TTBK2: variants seen among roughly 807,000 people sequenced by gnomAD.
TTBK2 encodes tau tubulin kinase 2, also known as tau-tubulin kinase 2.
A neutral mutation model predicts 110.8 loss-of-function variants in TTBK2; 28 were observed. The observed-to-expected ratio is 0.25, with a 90% CI of 0.19 to 0.35. TTBK2 has a LOEUF of 0.35. TTBK2 is among the 10% of genes least tolerant of loss of function. The pLI is 1.00. For synonymous variants in TTBK2, 532 were observed against 527.3 expected (o/e 1.01, Z -0.12); for missense variants, 1,369 against 1,500.3 (o/e 0.91, Z 1.45).
chr15:42,912,616 CAGG>C (rs534610839), intron 1 of TTBK2, among the ~76,000 whole-genome samples: 133 of 152,022 alleles, frequency 8.7e-4, no homozygotes, highest in African/African-American at 3.1e-3. Flanking sequence ...GAGGCTGAGG[CAGG>C]AGAATTGCTT....
intron 1 of TTBK2, among the ~76,000 whole-genome samples, chr15:42,889,511 T>C (rs948303506): frequency 2.6e-5 from 4 of 152,126 alleles, no homozygotes; most frequent in African/African-American, 9.7e-5. Context: ...TCCTCAATCT[T>C]CAGGAAAGGT....
intron 6 of TTBK2, among the ~76,000 whole-genome samples, chr15:42,825,678 G>A (rs1405180196): frequency 3.3e-5 from 5 of 152,168 alleles, no homozygotes; most frequent in South Asian, 2.1e-4. Context: ...TGGCGCCATC[G>A]CACTCTGGCC....
chr15:42,783,009 G>T lies in TTBK2; in HGVS notation c.1197+410C>A, dbSNP rs575151919. ...CTCATTCCTGATTACTATTCATCCAGATTGTGCTTTGTCAACAGCCAAATC... is the reference window on the plus strand; with the variant it reads ...CTCATTCCTGATTACTATTCATCCATATTGTGCTTTGTCAACAGCCAAATC... On this transcript the variant is annotated intron_variant, in intron 11 of 14. Coordinates refer to ENST00000267890, the MANE Select transcript of TTBK2 (RefSeq NM_173500.4). Among the ~76,000 whole-genome samples, 7 of 152,234 alleles carry T rather than the reference G, an allele frequency of 4.6e-5. No homozygotes were observed. In the South Asian group the frequency reaches 1.5e-3, roughly 32 times the overall value.
At chr15:42,749,524 G>A (rs1490045293) in intron 14 of TTBK2, among the ~76,000 whole-genome samples, 1 of 152,194 alleles carries the variant, frequency 6.6e-6, no homozygotes, top group Non-Finnish European at 1.5e-5. Flanking sequence ...CAGCTTACAA[G>A]AACCAGGTGG....
In TTBK2 at chr15:42,794,666, G is replaced by A. The variant is rs968277107; in HGVS notation, c.958C>T (p.Arg320Cys). 9 of 1,613,980 alleles carry A rather than the reference G, an allele frequency of 5.6e-6. No homozygotes were observed. The highest frequency in any genetic ancestry group is 3.3e-5 in the Admixed American group (2 of 59,998). The change falls in exon 10 of 15, where the codon CGC (arginine) becomes TGC (cysteine). Residue 320 changes from arginine (R) to cysteine (C), a missense_variant. Around this residue, in one of 4 missense-constraint regions of TTBK2, gnomAD observed 1,097 missense variants for 1,114.7 expected, o/e 0.98. Transcript: ENST00000267890. ...TACCCAATTGCAGCAGGGGTCAAGC[G>A]AGTGTGCAACTGAGGGGTGGTAGAA... ...TTSTTPQLHTRLTPAAIGIAN... is the reference protein window; with the variant it reads ...TTSTTPQLHTCLTPAAIGIAN...
chr15:42,739,263 T>C lies in TTBK2; in HGVS notation c.*6532A>G, dbSNP rs1473821907. ...ATTTCAAAGAGTAGTTTCTCATCTC[T>C]CTGATTTCAGGAAGAGGAGAAGAGA... On this transcript the variant is annotated 3_prime_UTR_variant, in exon 15 of 15. Coordinates refer to ENST00000267890, the MANE Select transcript of TTBK2 (RefSeq NM_173500.4). 1 of 152,194 alleles carries C rather than the reference T, an allele frequency of 6.6e-6. No individual in the cohort carries two copies. Among genetic ancestry groups the C allele is most frequent in the African/African-American group, 2.4e-5 (1 of 41,444 alleles). 9.4% of individuals were successfully genotyped at this position (152,194 alleles called of 1,614,324 possible).
rs1321049884 is a variant in TTBK2, at chr15:42,777,040, A to G, written c.1400T>C (p.Leu467Pro). 4 of 1,614,098 alleles carry G rather than the reference A, an allele frequency of 2.5e-6. No homozygotes were observed. The highest frequency in any genetic ancestry group is 1.1e-5 in the South Asian group (1 of 91,074). ...ATACACTATTTTATACCAGGTCTCA[A>G]GGAACTTGTCAGTGTCTGGCTTTGG... is the stretch of plus-strand genomic sequence containing the variant. ...LEPKPDTDKF[L>P]ETCLEKMQKD... Residue 467 changes from leucine (L) to proline (P), a missense_variant, in exon 12 of 15, where the codon CTT becomes CCT. Around this residue, in one of 4 missense-constraint regions of TTBK2, gnomAD observed 1,097 missense variants for 1,114.7 expected, o/e 0.98. Coordinates refer to ENST00000267890, the MANE Select transcript of TTBK2 (RefSeq NM_173500.4).
chr15:42,776,770 T>C (rs1436762077), intron 12 of TTBK2: 1 of 566,236 alleles, frequency 1.8e-6, no homozygotes, highest in African/African-American at 1.9e-5. Flanking sequence ...GTACCTAGTG[T>C]TAGGAAGTCA....
intron 1 of TTBK2, among the ~76,000 whole-genome samples, chr15:42,881,507 A>T (rs1895049916): frequency 6.6e-6 from 1 of 152,212 alleles, no homozygotes; most frequent in Middle Eastern, 3.4e-3. Flanking sequence ...ATTCCAAAAA[A>T]TAAAGGTGAA....
At chr15:42,875,905 CAAAAAAAAAAA>C (rs57982301) in intron 2 of TTBK2, among the ~76,000 whole-genome samples, 2 of 56,898 alleles carry the variant, frequency 3.5e-5, no homozygotes, top group Non-Finnish European at 6.8e-5. Context: ...GACTCCGTCT[CAAAAAAAAAAA>C]AAAAAAAAAA....
At chr15:42,882,979 C>G (rs1403389826) in intron 1 of TTBK2, among the ~76,000 whole-genome samples, 1 of 152,086 alleles carries the variant, frequency 6.6e-6, no homozygotes, top group Non-Finnish European at 1.5e-5. Context: ...AGTATAAGAG[C>G]CTGATTTTCT....
intron 1 of TTBK2, among the ~76,000 whole-genome samples, chr15:42,890,202 C>T (rs1486683624): frequency 1.3e-5 from 2 of 152,212 alleles, no homozygotes; most frequent in Non-Finnish European, 2.9e-5. Flanking sequence ...CCTAACTCCA[C>T]CACCTATCCC....
Position 42,920,755 on chromosome 15 carries a change from C to A in TTBK2, c.-385G>T. On this transcript the variant is annotated 5_prime_UTR_variant, in exon 1 of 15. It removes an upstream start codon present in the reference 5' UTR. Coordinates refer to ENST00000267890, the MANE Select transcript of TTBK2 (RefSeq NM_173500.4). ...GCCGCCGCCTCGTCCCCACCGCTCC[C>A]ATCGCCGCTGCGGCGACTACTGCAG... The A allele has an allele frequency of 6.5e-6, 1 of 154,010 alleles. No homozygotes were observed. The highest frequency in any genetic ancestry group is 2.0e-4 in the South Asian group (1 of 4,994). 9.5% of individuals were successfully genotyped at this position (154,010 alleles called of 1,614,324 possible).
intron 4 of TTBK2, among the ~76,000 whole-genome samples, chr15:42,832,973 G>T (rs1892824843): frequency 6.6e-6 from 1 of 152,036 alleles, no homozygotes; most frequent in Admixed American, 6.6e-5. Context: ...TGACTGATAT[G>T]CAGTCATTCA....
intron 11 of TTBK2, among the ~76,000 whole-genome samples, chr15:42,780,488 T>C (rs1405515865): frequency 1.3e-5 from 2 of 151,874 alleles, no homozygotes; most frequent in Non-Finnish European, 2.9e-5. Context: ...GACTTTTAAG[T>C]TAAAAATAAC....
intron 9 of TTBK2, chr15:42,798,331 C>G (rs895593761): frequency 2.2e-6 from 1 of 456,002 alleles, no homozygotes; most frequent in African/African-American, 2.0e-5. Flanking sequence ...ACGCTTCCCT[C>G]TAAAAGGCAT....
intron 1 of TTBK2, among the ~76,000 whole-genome samples, chr15:42,898,815 G>A (rs1035163776): frequency 6.6e-6 from 1 of 152,106 alleles, no homozygotes; most frequent in African/African-American, 2.4e-5. Flanking sequence ...GAGATGTGGA[G>A]GTAAATACCA....
chr15:42,911,468 T>C (rs2030751335), intron 1 of TTBK2, among the ~76,000 whole-genome samples: 1 of 152,192 alleles, frequency 6.6e-6, no homozygotes, highest in Non-Finnish European at 1.5e-5. Context: ...CTTTGGTTCC[T>C]TTCTCCTTCT....
intron 13 of TTBK2, among the ~76,000 whole-genome samples, chr15:42,763,141 T>TACATATATATATACAC (rs1567008644): frequency 1.2e-5 from 1 of 80,526 alleles, no homozygotes. Context: ...CATATATACA[T>TACATATATATATACAC]ACATATATAT....
Sources: gnomAD v4.1 joint callset for allele counts (sites outside exome capture counted in the v4.1 genomes callset) on GRCh38, gnomAD v4.1.1 for gene constraint, gnomAD v4.1.1 regional missense constraint, MANE v1.5 for transcripts, NCBI Gene and HGNC (gene_info 2026-07-23, HGNC 2026-07-21) for gene names.